The following GRM7 variants were observed in gnomAD, a reference collection of about 807,000 sequenced individuals.
GRM7 encodes the protein glutamate metabotropic receptor 7, also known as metabotropic glutamate receptor 7.
A neutral mutation model predicts 84.5 loss-of-function variants in GRM7; 35 were observed. That is an observed-to-expected ratio of 0.41 (90% confidence interval 0.32 to 0.55). The LOEUF is 0.55. GRM7 is among the 20% of genes least tolerant of loss of function. GRM7 has a pLI of 0.19. For synonymous variants in GRM7, 487 were observed against 455.1 expected (o/e 1.07, Z -0.89); for missense variants, 1,003 against 1,194.6 (o/e 0.84, Z 2.36).
At chr3:7,122,953 C>T (rs1693274077) in intron 1 of GRM7, among the ~76,000 whole-genome samples, 1 of 152,150 alleles carries the variant, frequency 6.6e-6, no homozygotes, top group African/African-American at 2.4e-5. Context: ...ATAAAACAAG[C>T]ATTCCTGAGA....
chr3:7,694,452 A>T, intron 9 of GRM7: 1 of 858,702 alleles, frequency 1.2e-6, no homozygotes, highest in Non-Finnish European at 1.4e-6. Flanking sequence ...AAAGTTTAAG[A>T]ATGTCAAGCA....
At chr3:7,412,672 A>G (rs1404370373) in intron 4 of GRM7, among the ~76,000 whole-genome samples, 1 of 152,160 alleles carries the variant, frequency 6.6e-6, no homozygotes, top group Non-Finnish European at 1.5e-5. Context: ...AGATTACAGG[A>G]ATATTGCTCA....
At chr3:7,514,461 G>C (rs1217409617) in intron 7 of GRM7, among the ~76,000 whole-genome samples, 1 of 152,126 alleles carries the variant, frequency 6.6e-6, no homozygotes, top group African/African-American at 2.4e-5. Flanking sequence ...TCAGAAGTTT[G>C]GTCAAAGGAA....
chr3:7,319,878 T>G (rs1700712019), intron 4 of GRM7, among the ~76,000 whole-genome samples: 1 of 152,002 alleles, frequency 6.6e-6, no homozygotes, highest in Non-Finnish European at 1.5e-5. Context: ...GACTAAGATA[T>G]GCAAGTCTTA....
chr3:7,412,604 T>C (rs1468347484), intron 4 of GRM7, among the ~76,000 whole-genome samples: 1 of 152,154 alleles, frequency 6.6e-6, no homozygotes, highest in Non-Finnish European at 1.5e-5. Context: ...ATTGGTGTGG[T>C]CTTCACACCA....
At chr3:7,597,578 A>G (rs894303007) in intron 8 of GRM7, among the ~76,000 whole-genome samples, 6 of 152,088 alleles carry the variant, frequency 3.9e-5, no homozygotes, top group Admixed American at 1.3e-4. Flanking sequence ...TAGCACATCA[A>G]TCCTGGGGTC....
chr3:7,291,832 T>C (rs1575127072), intron 2 of GRM7, among the ~76,000 whole-genome samples: 1 of 152,202 alleles, frequency 6.6e-6, no homozygotes, highest in East Asian at 1.9e-4. Context: ...AATCTCCTCT[T>C]GAATTGTAGC....
At chr3:7,204,651 G>A (rs1161971119) in intron 2 of GRM7, among the ~76,000 whole-genome samples, 1 of 152,162 alleles carries the variant, frequency 6.6e-6, no homozygotes, top group Non-Finnish European at 1.5e-5. Flanking sequence ...GCAGAAATAG[G>A]AAGACCTGGG....
chr3:7,235,349 C>T (rs1697316581), intron 2 of GRM7, among the ~76,000 whole-genome samples: 1 of 152,192 alleles, frequency 6.6e-6, no homozygotes, highest in Non-Finnish European at 1.5e-5. Context: ...CAGCATTTTC[C>T]ATACCATGGG....
chr3:7,490,549 G>C (rs990046861), intron 7 of GRM7, among the ~76,000 whole-genome samples: 1 of 152,122 alleles, frequency 6.6e-6, no homozygotes, highest in South Asian at 2.1e-4. Flanking sequence ...AATATCACTT[G>C]TTGTAGCATA....
chr3:7,731,813 G>A (rs552396844), intron 9 of GRM7, among the ~76,000 whole-genome samples: 20 of 152,084 alleles, frequency 1.3e-4, no homozygotes, highest in African/African-American at 4.3e-4. Context: ...CCCGTGGATC[G>A]CCAGCGCCCC....
At chr3:7,434,442 T>C (rs183549156) in intron 5 of GRM7, among the ~76,000 whole-genome samples, 3 of 152,320 alleles carry the variant, frequency 2.0e-5, no homozygotes, top group Admixed American at 2.0e-4. Context: ...GTTTATAGAC[T>C]TTCTGTATAA....
At chr3:7,047,751 G>A (rs538788767) in intron 1 of GRM7, among the ~76,000 whole-genome samples, 1 of 152,168 alleles carries the variant, frequency 6.6e-6, no homozygotes, top group East Asian at 1.9e-4. Context: ...TTCACTCATT[G>A]TTTAATGCAA....
At chr3:7,602,164 A>G (rs1394281372) in intron 8 of GRM7, among the ~76,000 whole-genome samples, 2 of 151,962 alleles carry the variant, frequency 1.3e-5, no homozygotes, top group African/African-American at 2.4e-5. Flanking sequence ...GAGCTTGTAA[A>G]TAAAGGGATG....
intron 4 of GRM7, among the ~76,000 whole-genome samples, chr3:7,403,816 T>C (rs1401826053): frequency 6.6e-6 from 1 of 150,986 alleles, no homozygotes; most frequent in East Asian, 1.9e-4. Flanking sequence ...TAAGAATATG[T>C]GTGTGTGGAT....
chr3:7,349,867 G>C (rs1211591822), intron 4 of GRM7, among the ~76,000 whole-genome samples: 1 of 152,016 alleles, frequency 6.6e-6, no homozygotes, highest in Non-Finnish European at 1.5e-5. Context: ...TATTAGGTTA[G>C]ATTCCTCCTC....
At chr3:7,675,625 A>C (rs1700089269) in intron 8 of GRM7, among the ~76,000 whole-genome samples, 1 of 152,248 alleles carries the variant, frequency 6.6e-6, no homozygotes, top group African/African-American at 2.4e-5. Flanking sequence ...AATTCACCAC[A>C]TATTTATGCA....
chr3:7,412,985 GACACACACAC>G (rs59610581), intron 4 of GRM7, among the ~76,000 whole-genome samples: 1 of 148,710 alleles, frequency 6.7e-6, no homozygotes, highest in Non-Finnish European at 1.5e-5. Context: ...AATTCACTAT[GACACACACAC>G]ACACACACAC....
At chr3:7,017,879 G>A (rs894954883) in intron 1 of GRM7, among the ~76,000 whole-genome samples, 3 of 152,198 alleles carry the variant, frequency 2.0e-5, no homozygotes, top group Non-Finnish European at 4.4e-5. Context: ...GATAAAATGA[G>A]ACATATAATC....
Sources: gnomAD v4.1 joint callset for allele counts (sites outside exome capture counted in the v4.1 genomes callset) on GRCh38, gnomAD v4.1.1 for gene constraint, MANE v1.5 for transcripts, NCBI Gene and HGNC (gene_info 2026-07-23, HGNC 2026-07-21) for gene names.